Variants in ALX1 observed in about 807,000 individuals in gnomAD.
ALX1 encodes ALX homeobox protein 1.
A neutral mutation model predicts 31.7 loss-of-function variants in ALX1; 19 were observed. That is an observed-to-expected ratio of 0.60 (90% CI 0.42 to 0.88). The LOEUF (loss-of-function observed/expected upper bound fraction) is 0.88, where lower values mean the gene tolerates loss of function less well. ALX1 is among the 40% of genes least tolerant of loss of function. The pLI, the probability that ALX1 is intolerant of heterozygous loss-of-function variation, is 0.00. For missense variants in ALX1, 415 were observed against 407.8 expected, an observed-to-expected ratio of 1.02 and a Z score of -0.15; for synonymous variants, 153 against 148.8, an observed-to-expected ratio of 1.03 and a Z score of -0.20.
chr12:85,292,137 C>T (rs76905300), intron 3 of ALX1, among the ~76,000 whole-genome samples: 4,792 of 151,040 alleles, frequency 0.032, 247 homozygotes, highest in African/African-American at 0.11. Flanking sequence ...GTACCTGCCT[C>T]TCCAGGTAGC....
At chr12:85,286,573 T>C (rs1352517950) in intron 2 of ALX1, among the ~76,000 whole-genome samples, 1 of 151,880 alleles carries the variant, frequency 6.6e-6, no homozygotes, top group Admixed American at 6.6e-5. Flanking sequence ...TTGCTTTTTG[T>C]TTTCCATAAA....
rs563813574 is a variant in ALX1 at position 85,299,569 on chromosome 12, A to G, written c.661-1586A>G. ...GCAGCTTATACATATATTTATATAA[A>G]GAATTATTTTTTAAGACAACCCAGA... On this transcript the variant is annotated intron_variant, in intron 3 of 3. Coordinates refer to ENST00000316824, the MANE Select transcript of ALX1 (RefSeq NM_006982.3). Among the ~76,000 whole-genome samples the G allele has an allele frequency of 7.9e-5, 12 of 151,848 alleles. No homozygotes were observed. The South Asian group carries it at 2.5e-3, about 31-fold the overall frequency.
Position 85,301,592 on chromosome 12 carries a change from A to C in ALX1, c.*117A>C, listed in dbSNP as rs1194729474. Reference sequence around the variant, plus strand: ...GGAATTGCTAAAGGTCAAGATATTCAGTGAGACCAGCTTAAATGAATAGTT... The same window carrying C: ...GGAATTGCTAAAGGTCAAGATATTCCGTGAGACCAGCTTAAATGAATAGTT... On this transcript the variant is annotated 3_prime_UTR_variant, in exon 4 of 4. Coordinates refer to ENST00000316824, the MANE Select transcript of ALX1 (RefSeq NM_006982.3). 9.6e-7 allele frequency: 1 copy of C among 1,037,700 alleles called. No homozygotes were observed. Among genetic ancestry groups the C allele is most frequent in the East Asian group, 2.6e-5 (1 of 39,198 alleles). 64.3% of individuals were successfully genotyped at this position (1,037,700 alleles called of 1,614,324 possible). A position where few individuals can be genotyped will look rare whatever the true frequency, so the allele number is the denominator to read the frequency against.
chr12:85,284,183 G>A (rs1009987431), intron 2 of ALX1, among the ~76,000 whole-genome samples: 5 of 148,980 alleles, frequency 3.4e-5, no homozygotes, highest in African/African-American at 1.2e-4. Flanking sequence ...AGGATGAAAA[G>A]CAGAATCATG....
rs1289487472 is a variant in ALX1, at chr12:85,301,307, G to C, written c.813G>C (p.Gln271His). Residue 271 changes from glutamine (Q) to histidine (H), a missense_variant, in exon 4 of 4, where the codon CAG (glutamine) becomes CAC (histidine). By Grantham distance (24) the Gln-to-His change is conservative. This residue lies in a region of ALX1 where 174 missense variants were observed against 177.5 expected (regional missense o/e 0.98). Coordinates refer to ENST00000316824, the MANE Select transcript of ALX1 (RefSeq NM_006982.3). ...CGGGGTTTTCAAACCACCAGAACCA[G>C]TTCAGCCACGTGCCCCTCAACAATT... ...SYTGFSNHQNQFSHVPLNNFF... is the reference protein window; with the variant it reads ...SYTGFSNHQNHFSHVPLNNFF... 1.2e-6 allele frequency: 2 copies of C among 1,614,042 alleles called. No homozygotes were observed. Among genetic ancestry groups the C allele is most frequent in the Non-Finnish European group, 1.7e-6 (2 of 1,179,988 alleles).
Position 85,301,118 on chromosome 12 carries a change from C to T in ALX1, c.661-37C>T, listed in dbSNP as rs370380474. 6.2e-6 allele frequency: 10 copies of T among 1,606,236 alleles called. 1 individual carries two copies. Among genetic ancestry groups the T allele is most frequent in the South Asian group, 3.3e-5 (3 of 90,836 alleles). ...AAAAGTAAGAGAACAAAAGTGAGAA[C>T]ATGTAAATGTAATATTTGTTGTTTT... On this transcript the variant is annotated intron_variant, in intron 3 of 3. Transcript: ENST00000316824.
In ALX1 at chr12:85,280,340, C is replaced by A. The variant is rs1236266838; in HGVS notation, c.79C>A (p.Pro27Thr). 1.2e-6 allele frequency: 2 copies of A among 1,613,806 alleles called. No individual in the cohort carries two copies. The highest frequency in any genetic ancestry group is 3.3e-5 in the Admixed American group (2 of 60,006). The change falls in exon 1 of 4, where the codon CCT becomes ACT. Residue 27 changes from proline (P) to threonine (T), a missense_variant. By Grantham distance (38) the Pro-to-Thr change is conservative. Around this residue, in one of 3 missense-constraint regions of ALX1, gnomAD observed 235 missense variants for 208.9 expected, o/e 1.13. Transcript: ENST00000316824. Reference protein sequence around the residue: ...NSDFYMGAGGPLEHVMETLDN... With the variant: ...NSDFYMGAGGTLEHVMETLDN... ...TGACTTTTACATGGGCGCAGGAGGT[C>A]CTCTGGAGCACGTTATGGAGACGCT...
intron 3 of ALX1, among the ~76,000 whole-genome samples, chr12:85,289,496 T>TC (rs930096548): frequency 1.3e-5 from 2 of 151,084 alleles, no homozygotes; most frequent in Non-Finnish European, 3.0e-5. Flanking sequence ...TTAAAAAATT[T>TC]CCCCCCACAA....
At chr12:85,296,276 T>C (rs1896886317) in intron 3 of ALX1, among the ~76,000 whole-genome samples, 1 of 151,600 alleles carries the variant, frequency 6.6e-6, no homozygotes, top group African/African-American at 2.4e-5. Context: ...TACAAATATA[T>C]ATCCACAGTA....
Position 85,280,489 on chromosome 12 carries a change from T to A in ALX1, c.226+2T>A. 6.2e-7 allele frequency: 1 copy of A among 1,609,508 alleles called. No individual in the cohort carries two copies. Among genetic ancestry groups the A allele is most frequent in the Non-Finnish European group, 8.5e-7 (1 of 1,179,700 alleles). Reference sequence around the variant, plus strand: ...CCTCGCCCTGTCAGGACAGCAGCGGTGAGTCGCTAGCGCCCCAGCCGGAGC... The same window carrying A: ...CCTCGCCCTGTCAGGACAGCAGCGGAGAGTCGCTAGCGCCCCAGCCGGAGC... On this transcript the variant is annotated splice_donor_variant, in intron 1 of 3. Transcript: ENST00000316824. LOFTEE classifies it high-confidence loss of function.
chr12:85,287,484 T>G (rs1485393785), intron 3 of ALX1, among the ~76,000 whole-genome samples: 1 of 151,094 alleles, frequency 6.6e-6, no homozygotes, highest in African/African-American at 2.4e-5. Context: ...AAATTGCTTA[T>G]TCTCTAAAGG....
At chr12:85,288,369 C>T (rs1029858764) in intron 3 of ALX1, among the ~76,000 whole-genome samples, 1 of 151,430 alleles carries the variant, frequency 6.6e-6, no homozygotes, top group Non-Finnish European at 1.5e-5. Flanking sequence ...AAAGAGGTTA[C>T]CTTATGTTTT....
At chr12:85,299,947 A>G (rs1369120023) in intron 3 of ALX1, among the ~76,000 whole-genome samples, 1 of 151,984 alleles carries the variant, frequency 6.6e-6, no homozygotes, top group East Asian at 1.9e-4. Flanking sequence ...GATGTGATTA[A>G]CATGTGTATT....
At position 85,290,230 on chromosome 12, in the gene ALX1, G is replaced by A. The variant is rs796278629; in HGVS notation, c.660+3249G>A. On this transcript the variant is annotated intron_variant, in intron 3 of 3. Transcript: ENST00000316824. ...AACTGGCCGTCTTTTTACTATAGTA[G>A]CAACAGCTGTAACAGTAAAAATAAT... Among the ~76,000 whole-genome samples, 43 of 151,212 alleles carry A rather than the reference G, an allele frequency of 2.8e-4. 1 individual carries two copies. Among genetic ancestry groups the A allele is most frequent in the African/African-American group, 9.4e-4 (39 of 41,442 alleles).
At chr12:85,284,741 G>C (rs965756108) in intron 2 of ALX1, among the ~76,000 whole-genome samples, 1 of 152,048 alleles carries the variant, frequency 6.6e-6, no homozygotes, top group Non-Finnish European at 1.5e-5. Context: ...TTTCCAAGTA[G>C]TAAGAGTTTA....
rs1003247456 is a variant in ALX1 at position 85,289,470 on chromosome 12, C to A, written c.660+2489C>A. Among the ~76,000 whole-genome samples the A allele has an allele frequency of 1.6e-4, 24 of 151,168 alleles. 1 individual carries two copies. Among genetic ancestry groups the A allele is most frequent in the African/African-American group, 5.3e-4 (22 of 41,378 alleles). ...TATATATTTGATCATCTTTTTCACTCCAATGAAAAATTAATTTAAAAAATT... is the reference window on the plus strand; with the variant it reads ...TATATATTTGATCATCTTTTTCACTACAATGAAAAATTAATTTAAAAAATT... On this transcript the variant is annotated intron_variant, in intron 3 of 3. Coordinates refer to ENST00000316824, the MANE Select transcript of ALX1 (RefSeq NM_006982.3).
At chr12:85,293,894 A>T (rs1478173924) in intron 3 of ALX1, among the ~76,000 whole-genome samples, 1 of 151,174 alleles carries the variant, frequency 6.6e-6, no homozygotes, top group Non-Finnish European at 1.5e-5. Flanking sequence ...AATTATATGC[A>T]TGCCATGTTT....
intron 1 of ALX1, 121 bp from the exon 2 acceptor site, chr12:85,283,451 C>G: frequency 1.0e-6 from 1 of 975,914 alleles, no homozygotes; most frequent in Non-Finnish European, 1.6e-6. Flanking sequence ...TGAATTAATA[C>G]TAGCACAATA....
intron 3 of ALX1, among the ~76,000 whole-genome samples, chr12:85,293,738 T>C (rs139230877): frequency 2.0e-5 from 3 of 151,216 alleles, no homozygotes; most frequent in African/African-American, 7.2e-5. Flanking sequence ...AGCTTATACA[T>C]ATAAAAACCT....
Sources: allele counts gnomAD v4.1 joint callset (sites outside exome capture counted in the v4.1 genomes callset), GRCh38; gene constraint gnomAD v4.1.1; regional missense constraint gnomAD v4.1.1; transcripts MANE v1.5; gene names NCBI Gene and HGNC (gene_info 2026-07-23, HGNC 2026-07-21).